The following CYB5R4 variants were observed in gnomAD, a reference collection of about 807,000 sequenced individuals.
CYB5R4 encodes the protein N-terminal cytochrome b5 and cytochrome b5 oxidoreductase domain-containing protein.
CYB5R4 carries 55 observed loss-of-function variants against 70.2 expected under a neutral mutation model. The observed-to-expected ratio is 0.78, with a 90% CI of 0.63 to 0.98. CYB5R4 has a LOEUF of 0.98. Among genes scored for constraint, CYB5R4 ranks in the 50% least tolerant of loss-of-function variants. CYB5R4 has a pLI of 0.00. For missense variants in CYB5R4, 562 were observed against 612.6 expected, an observed-to-expected ratio of 0.92 and a Z score of 0.87; for synonymous variants, 197 against 199.5, an observed-to-expected ratio of 0.99 and a Z score of 0.11.
At chr6:83,890,427 A>G (rs977444603) in intron 2 of CYB5R4, among the ~76,000 whole-genome samples, 14 of 152,208 alleles carry the variant, frequency 9.2e-5, no homozygotes, top group African/African-American at 2.9e-4. Flanking sequence ...GCTGCGTGAT[A>G]AAACTTGAAT....
chr6:83,910,126 C>T (rs1216934164), intron 4 of CYB5R4: 1 of 1,611,132 alleles, frequency 6.2e-7, no homozygotes, highest in South Asian at 1.1e-5. Context: ...CTATAGTGGG[C>T]TGAGACATTA....
intron 10 of CYB5R4, among the ~76,000 whole-genome samples, chr6:83,934,195 A>G (rs2099468575): frequency 6.6e-6 from 1 of 151,876 alleles, no homozygotes; most frequent in Non-Finnish European, 1.5e-5. Flanking sequence ...GGAGTTCGAC[A>G]TCAGCCTGGG....
Position 83,922,302 on chromosome 6 carries a change from G to C in CYB5R4, c.659-136G>C. 3 of 557,528 alleles carry C rather than the reference G, an allele frequency of 5.4e-6. No individual in the cohort carries two copies. The South Asian group carries it at 8.7e-5, about 16-fold the overall frequency. 34.5% of individuals were successfully genotyped at this position (557,528 alleles called of 1,614,324 possible). A position where few individuals can be genotyped will look rare whatever the true frequency, so the allele number is the denominator to read the frequency against. ...TTCTTTATTTTGATTGTGTAAAATT[G>C]TTTTGGTCTTTCAGAACACGTTTTG... On this transcript the variant is annotated intron_variant, in intron 8 of 15. Coordinates refer to ENST00000369681, the MANE Select transcript of CYB5R4 (RefSeq NM_016230.4).
At chr6:83,937,638 G>A (rs1399304711) in intron 12 of CYB5R4, among the ~76,000 whole-genome samples, 1 of 152,096 alleles carries the variant, frequency 6.6e-6, no homozygotes, top group African/African-American at 2.4e-5. Context: ...TTCTGCCTCA[G>A]CCTCCCAAGT....
intron 9 of CYB5R4, among the ~76,000 whole-genome samples, chr6:83,924,142 C>CTTTTTT (rs35960110): frequency 1.5e-5 from 2 of 129,930 alleles, no homozygotes; most frequent in Admixed American, 7.7e-5. Context: ...ACATCTCAAC[C>CTTTTTT]TTTTTTTTTT....
chr6:83,930,697 G>C (rs1463647281), intron 10 of CYB5R4, among the ~76,000 whole-genome samples: 5 of 151,408 alleles, frequency 3.3e-5, no homozygotes, highest in Admixed American at 1.3e-4. Flanking sequence ...TATTTTGACT[G>C]CCTCCCATAA....
chr6:83,942,177 C>T (rs898535188), intron 14 of CYB5R4, among the ~76,000 whole-genome samples: 1 of 152,124 alleles, frequency 6.6e-6, no homozygotes, highest in African/African-American at 2.4e-5. Flanking sequence ...TGGTCGATTC[C>T]TGGGCAAGAT....
intron 2 of CYB5R4, among the ~76,000 whole-genome samples, chr6:83,878,910 C>T (rs182233104): frequency 3.9e-5 from 6 of 152,032 alleles, no homozygotes; most frequent in Non-Finnish European, 8.8e-5. Context: ...GGTTTTTTTC[C>T]CCCATTGTTC....
chr6:83,927,595 A>G (rs538015071), intron 10 of CYB5R4, among the ~76,000 whole-genome samples: 1 of 152,320 alleles, frequency 6.6e-6, no homozygotes, highest in African/African-American at 2.4e-5. Flanking sequence ...ATACAGATAA[A>G]TAGCTGGATG....
chr6:83,954,957 G>A (rs2099472109), intron 14 of CYB5R4, among the ~76,000 whole-genome samples: 1 of 151,244 alleles, frequency 6.6e-6, no homozygotes, highest in African/African-American at 2.4e-5. Context: ...TGTTGCCCAG[G>A]CTGGTCTCAA....
At chr6:83,859,889 C>T in intron 1 of CYB5R4, 32 bp downstream of exon 1, 11 of 1,582,538 alleles carry the variant, frequency 7.0e-6, no homozygotes, top group East Asian at 2.3e-5. Context: ...TCTCTCCCCT[C>T]GCTGCGTTTC....
intron 15 of CYB5R4, among the ~76,000 whole-genome samples, chr6:83,957,617 T>C (rs1003019602): frequency 4.9e-5 from 6 of 122,398 alleles, no homozygotes; most frequent in Admixed American, 2.6e-4. Context: ...AGCGAAACTC[T>C]GTCTCAAAAA....
Position 83,864,269 on chromosome 6 carries a change from T to A in CYB5R4, c.170T>A (p.Val57Glu), listed in dbSNP as rs760876954. The A allele has an allele frequency of 5.6e-6, 9 of 1,613,528 alleles. No individual in the cohort carries two copies. The highest frequency in any genetic ancestry group is 6.8e-6 in the Non-Finnish European group (8 of 1,179,624). The change falls in exon 2 of 16, where the codon GTA (valine) becomes GAA (glutamate). Residue 57 changes from valine to glutamate, a missense_variant. By Grantham distance (121) the Val-to-Glu change is moderately radical. Transcript: ENST00000369681. ...GGATTAAAAGGCAGGTTAATTGAAGTAACTGAAGAAGAACTTAAGAAACAC... is the reference window on the plus strand; with the variant it reads ...GGATTAAAAGGCAGGTTAATTGAAGAAACTGAAGAAGAACTTAAGAAACAC... Reference protein sequence around the residue: ...LTGLKGRLIEVTEEELKKHNK... With the variant: ...LTGLKGRLIEETEEELKKHNK...
intron 12 of CYB5R4, among the ~76,000 whole-genome samples, chr6:83,938,912 G>A (rs1318574450): frequency 6.6e-6 from 1 of 151,532 alleles, no homozygotes. Flanking sequence ...TCGGCTCACT[G>A]CAACCTCCGC....
chr6:83,886,536 A>T (rs1446024710), intron 2 of CYB5R4, among the ~76,000 whole-genome samples: 1 of 152,234 alleles, frequency 6.6e-6, no homozygotes, highest in East Asian at 1.9e-4. Flanking sequence ...CACAAAGACC[A>T]CATATTGTAT....
chr6:83,893,186 C>T (rs1393616711), intron 2 of CYB5R4, among the ~76,000 whole-genome samples: 1 of 152,190 alleles, frequency 6.6e-6, no homozygotes, highest in Admixed American at 6.5e-5. Context: ...TTACCTGGCC[C>T]TCTTCACATA....
chr6:83,870,719 C>G (rs560310382), intron 2 of CYB5R4, among the ~76,000 whole-genome samples: 1 of 152,114 alleles, frequency 6.6e-6, no homozygotes, highest in African/African-American at 2.4e-5. Flanking sequence ...TTGAACAACT[C>G]TCTTCTTCCA....
chr6:83,862,661 G>A (rs1272390774), intron 1 of CYB5R4, among the ~76,000 whole-genome samples: 1 of 152,198 alleles, frequency 6.6e-6, no homozygotes, highest in Non-Finnish European at 1.5e-5. Flanking sequence ...TAAATCCCTA[G>A]GGAATTTAGA....
At chr6:83,947,970 T>C (rs957928692) in intron 14 of CYB5R4, among the ~76,000 whole-genome samples, 38 of 152,132 alleles carry the variant, frequency 2.5e-4, no homozygotes, top group Non-Finnish European at 4.6e-4. Flanking sequence ...GGTGATTTCT[T>C]AAGGATTTAG....
Sources: gnomAD v4.1 joint callset for allele counts (sites outside exome capture counted in the v4.1 genomes callset) on GRCh38, gnomAD v4.1.1 for gene constraint, MANE v1.5 for transcripts, NCBI Gene and HGNC (gene_info 2026-07-23, HGNC 2026-07-21) for gene names.